Variants in USH1C observed in about 807,000 individuals in gnomAD.
USH1C encodes the protein USH1 protein network component harmonin, also known as harmonin.
In USH1C, 90 loss-of-function variants were observed where a neutral mutation model predicts 119.3. The observed-to-expected ratio is 0.75, with a 90% CI of 0.64 to 0.90. The LOEUF is 0.90. USH1C is among the 40% of genes least tolerant of loss of function. The pLI, the probability that USH1C is intolerant of heterozygous loss-of-function variation, is 0.00. For missense variants in USH1C, 1,165 were observed against 1,167.7 expected, an observed-to-expected ratio of 1.00 and a Z score of 0.03; for synonymous variants, 465 against 443.3, an observed-to-expected ratio of 1.05 and a Z score of -0.62.
intron 20 of USH1C, among the ~76,000 whole-genome samples, chr11:17,503,017 A>T (rs1849504615): frequency 6.6e-6 from 1 of 152,128 alleles, no homozygotes; most frequent in African/African-American, 2.4e-5. Context: ...TATCCTCAGA[A>T]TGCACCAACT....
intron 10 of USH1C, 35 bp downstream of exon 10, chr11:17,523,384 A>C (rs780287072): frequency 6.2e-7 from 1 of 1,614,104 alleles, no homozygotes; most frequent in South Asian, 1.1e-5. Context: ...TGTGGAGATG[A>C]CAAGGGCCAA....
At chr11:17,542,574 AG>A (rs1316948807) in intron 1 of USH1C, among the ~76,000 whole-genome samples, 1 of 152,238 alleles carries the variant, frequency 6.6e-6, no homozygotes, top group African/African-American at 2.4e-5. Flanking sequence ...CCTGGGGAAG[AG>A]GAACAGGGCA....
rs767662488 is a variant in USH1C at position 17,509,626 on chromosome 11, G to C, written c.1743C>G (p.Val581=). The C allele has an allele frequency of 6.3e-6, 10 of 1,590,430 alleles. No individual in the cohort carries two copies. Among genetic ancestry groups the C allele is most frequent in the Non-Finnish European group, 6.8e-6 (8 of 1,173,338 alleles). ...NPPHKVPAPP[V]LPLSGHVSAS... ...CGCTCACATGGCCAGATAAGGGAAG[G>C]ACAGGGGGCGCCGGGACCTTGTGGG... Residue 581 remains valine (V), a synonymous_variant, in exon 18 of 27, where the codon GTC becomes GTG. Transcript: ENST00000005226.
intron 12 of USH1C, among the ~76,000 whole-genome samples, chr11:17,522,084 C>T (rs535771006): frequency 4.6e-5 from 7 of 152,298 alleles, no homozygotes; most frequent in Admixed American, 6.5e-5. Flanking sequence ...CTGCCGGCCT[C>T]GACCTCCAAA....
intron 15 of USH1C, among the ~76,000 whole-genome samples, chr11:17,515,123 T>C (rs556205300): frequency 1.5e-4 from 23 of 152,034 alleles, no homozygotes; most frequent in African/African-American, 5.3e-4. Context: ...AGGCAGAATA[T>C]AGAGAAGAAT....
intron 15 of USH1C, among the ~76,000 whole-genome samples, chr11:17,513,272 CAG>C (rs1184821767): frequency 2.0e-5 from 3 of 152,254 alleles, no homozygotes. Flanking sequence ...AGAGGGGCAG[CAG>C]AGACAGCCCA....
In USH1C at chr11:17,523,453, T is replaced by C. The variant is rs1850514935; in HGVS notation, c.785A>G (p.Asn262Ser). The C allele has an allele frequency of 1.2e-6, 2 of 1,614,096 alleles. No individual in the cohort carries two copies. The highest frequency in any genetic ancestry group is 1.7e-6 in the Non-Finnish European group (2 of 1,180,048). Residue 262 changes from asparagine (N) to serine (S), a missense_variant, in exon 10 of 27, where the codon AAT (asparagine) becomes AGT (serine). By Grantham distance (46) the Asn-to-Ser change is conservative. Coordinates refer to ENST00000005226, the MANE Select transcript of USH1C (RefSeq NM_153676.4). ...LEIGDQIVEV[N>S]GVDFSNLDHK... The stretch of plus-strand genomic sequence containing the variant: ...ATCCAGGTTAGAGAAGTCGACGCCA[T>C]TGACTTCGACAATCTGGTCCCCTAT...
At chr11:17,495,863 C>T (rs572750725) in intron 25 of USH1C, among the ~76,000 whole-genome samples, 186 bp from the exon 26 acceptor site, 88 of 143,366 alleles carry the variant, frequency 6.1e-4, no homozygotes, top group African/African-American at 2.2e-3. Context: ...CTGCTGGGCA[C>T]GGGGAGCAAG....
chr11:17,499,797 T>G (rs887935086), intron 23 of USH1C, among the ~76,000 whole-genome samples: 1 of 152,218 alleles, frequency 6.6e-6, no homozygotes, highest in African/African-American at 2.4e-5. Flanking sequence ...AGAGGTCTGG[T>G]TGCCAGCCCC....
intron 15 of USH1C, among the ~76,000 whole-genome samples, chr11:17,514,886 A>G (rs1276603617): frequency 2.0e-5 from 3 of 151,742 alleles, no homozygotes; most frequent in Admixed American, 2.0e-4. Flanking sequence ...GGGAAAGGCA[A>G]CCCTATTTCT....
chr11:17,531,430 C>T lies in USH1C; in HGVS notation c.217G>A (p.Glu73Lys). 1.9e-6 allele frequency: 3 copies of T among 1,614,060 alleles called. No individual in the cohort carries two copies. The highest frequency in any genetic ancestry group is 1.7e-6 in the Non-Finnish European group (2 of 1,179,992). The change falls in exon 3 of 27, where the codon GAA becomes AAA. Residue 73 changes from glutamate to lysine, a missense_variant. Transcript: ENST00000005226. The surrounding 1 kb of genome is among the most constrained non-coding windows in gnomAD (Gnocchi z 4.2). ...CGCCGGGGGGTCAGCTGATCATATT[C>T]CACCTGGTGCTTCAGTGGGATCAGC... ...RPLIPLKHQV[E>K]YDQLTPRRSR...
At chr11:17,530,211 G>A (rs1850896389) in intron 4 of USH1C, among the ~76,000 whole-genome samples, 1 of 152,186 alleles carries the variant, frequency 6.6e-6, no homozygotes, top group African/African-American at 2.4e-5. Flanking sequence ...GGAAGCTCTT[G>A]GTGATGGTGG....
intron 18 of USH1C, among the ~76,000 whole-genome samples, chr11:17,507,153 C>T (rs1361918713): frequency 6.6e-6 from 1 of 152,184 alleles, no homozygotes; most frequent in African/African-American, 2.4e-5. Flanking sequence ...GTCACTCACA[C>T]TTCCTGCTGC....
Position 17,501,536 on chromosome 11 carries a change from C to G in USH1C, c.2227-1G>C, listed in dbSNP as rs778110397. 1 of 1,611,878 alleles carries G rather than the reference C, an allele frequency of 6.2e-7. No homozygotes were observed. The highest frequency in any genetic ancestry group is 1.1e-5 in the South Asian group (1 of 90,480). The stretch of plus-strand genomic sequence containing the variant: ...TCCCCATGATCTGCTCTGGGGTGAA[C>G]TAGAGAGAAAAAGACAGTGGGAAGC... On this transcript the variant is annotated splice_acceptor_variant, in intron 21 of 26. Transcript: ENST00000005226. LOFTEE classifies it high-confidence loss of function.
intron 8 of USH1C, among the ~76,000 whole-genome samples, chr11:17,525,887 G>C (rs1415195948): frequency 6.6e-6 from 1 of 152,206 alleles, no homozygotes; most frequent in Admixed American, 6.5e-5. Context: ...AGTTCAGAGG[G>C]GAAATCAGGC....
At chr11:17,530,899 C>T (rs549776231) in intron 4 of USH1C, among the ~76,000 whole-genome samples, 30 of 152,344 alleles carry the variant, frequency 2.0e-4, no homozygotes, top group African/African-American at 7.2e-4. Context: ...AGTGCAGCGG[C>T]AGCAGCTGGA....
chr11:17,511,784 A>G, intron 16 of USH1C, 118 bp downstream of exon 16: 1 of 1,251,890 alleles, frequency 8.0e-7, no homozygotes, highest in Non-Finnish European at 1.1e-6. Context: ...GAAAGGGCTC[A>G]CTCCACCCTT....
Position 17,544,336 on chromosome 11 carries a change from C to A in USH1C, c.-29G>T, listed in dbSNP as rs1851609013. On this transcript the variant is annotated 5_prime_UTR_variant, in exon 1 of 27. Coordinates refer to ENST00000005226, the MANE Select transcript of USH1C (RefSeq NM_153676.4). ...TGGGCCAGGTCCAGCTGCGTCGTTG[C>A]ACGACCCGTTCCTTCGGGTGCCCGG... 6.2e-7 allele frequency: 1 copy of A among 1,613,852 alleles called. No individual in the cohort carries two copies.
rs1850579348 is a variant in USH1C, at chr11:17,524,685, C to A, written c.675-150G>T. The A allele has an allele frequency of 2.0e-5, 17 of 858,688 alleles. No individual in the cohort carries two copies. The Admixed American group carries it at 3.7e-4, about 19-fold the overall frequency. The allele number at this position is 858,688 out of a possible 1,614,324, so 53.2% of individuals were successfully genotyped here. On this transcript the variant is annotated intron_variant, in intron 8 of 26. Coordinates refer to ENST00000005226, the MANE Select transcript of USH1C (RefSeq NM_153676.4). ...CTCTCCAGCCTGATTTCTACTGCTACCCTGGGCAACAGCCACAGAAAAATC... is the reference window on the plus strand; with the variant it reads ...CTCTCCAGCCTGATTTCTACTGCTAACCTGGGCAACAGCCACAGAAAAATC...
Sources: allele counts gnomAD v4.1 joint callset (sites outside exome capture counted in the v4.1 genomes callset), GRCh38; gene constraint gnomAD v4.1.1; non-coding constraint Gnocchi (gnomAD v3.1); transcripts MANE v1.5; gene names NCBI Gene and HGNC (gene_info 2026-07-23, HGNC 2026-07-21).